ABCB7: variants seen among roughly 807,000 people sequenced by gnomAD.
The protein encoded by ABCB7 is ATP binding cassette subfamily B member 7.
In ABCB7, 7 loss-of-function variants were observed where a neutral mutation model predicts 54.4. The ratio of observed to expected loss-of-function variants is 0.13; its 90% CI spans 0.07 to 0.24. The LOEUF (loss-of-function observed/expected upper bound fraction) is 0.24, where lower values mean the gene tolerates loss of function less well. Among genes scored for constraint, ABCB7 ranks in the 10% least tolerant of loss-of-function variants. The probability of loss-of-function intolerance (pLI) is 1.00; values close to 1 mark genes in which losing one functional copy is unlikely to be tolerated. For missense variants in ABCB7, 356 were observed against 570.4 expected (o/e 0.62, Z 3.83); for synonymous variants, 218 against 207.1 (o/e 1.05, Z -0.45).
chrX:75,091,048 G>A (rs2081540210), intron 4 of ABCB7, among the ~76,000 whole-genome samples: 3 of 111,358 alleles, frequency 2.7e-5, no homozygotes, highest in Admixed American at 9.5e-5. Flanking sequence ...AAGAAGAAAT[G>A]ATGTGAATTC....
intron 1 of ABCB7, among the ~76,000 whole-genome samples, chrX:75,124,371 T>A (rs899902751): frequency 8.9e-5 from 10 of 112,191 alleles, no homozygotes; most frequent in African/African-American, 2.9e-4. Flanking sequence ...AAAGTTTTTT[T>A]ATGTTTGTTT....
At chrX:75,117,647 A>G (rs1437458358) in intron 1 of ABCB7, among the ~76,000 whole-genome samples, 1 of 111,345 alleles carries the variant, frequency 9.0e-6, no homozygotes, top group East Asian at 2.8e-4. Flanking sequence ...TATTTGGATT[A>G]ATCTGTCTTG....
chrX:75,073,829 A>G (rs908376964), intron 7 of ABCB7, 39 bp downstream of exon 7: 1 of 1,191,044 alleles, frequency 8.4e-7, no homozygotes, highest in African/African-American at 1.8e-5. Flanking sequence ...AAAGCAAAAC[A>G]ATTTCTAAAT....
At chrX:75,138,572 C>G (rs993419423) in intron 1 of ABCB7, among the ~76,000 whole-genome samples, 1 of 112,149 alleles carries the variant, frequency 8.9e-6, no homozygotes, top group African/African-American at 3.2e-5. Flanking sequence ...ACTTGACATA[C>G]AGAATAGCTT....
At chrX:75,129,092 C>T (rs1011859578) in intron 1 of ABCB7, among the ~76,000 whole-genome samples, 3 of 111,828 alleles carry the variant, frequency 2.7e-5, no homozygotes, top group African/African-American at 9.8e-5. Context: ...AATCCCATTA[C>T]TGAGTATATA....
At chrX:75,091,220 A>T (rs1311386673) in intron 4 of ABCB7, among the ~76,000 whole-genome samples, 1 of 111,208 alleles carries the variant, frequency 9.0e-6, no homozygotes, top group Admixed American at 9.6e-5. Flanking sequence ...TTACCAAATC[A>T]TACCCAACAA....
At chrX:75,103,328 C>T (rs2081655227) in intron 3 of ABCB7, among the ~76,000 whole-genome samples, 1 of 111,278 alleles carries the variant, frequency 9.0e-6, no homozygotes, top group East Asian at 2.8e-4. Context: ...TTTCATTCTT[C>T]TATATACGGA....
intron 3 of ABCB7, 134 bp from the exon 4 acceptor site, chrX:75,099,195 G>A: frequency 1.4e-6 from 1 of 709,803 alleles, no homozygotes; most frequent in Non-Finnish European, 2.0e-6. Flanking sequence ...TGAATCTAAG[G>A]CTAATATCTT....
At chrX:75,087,645 T>C (rs1481792253) in intron 4 of ABCB7, among the ~76,000 whole-genome samples, 1 of 111,704 alleles carries the variant, frequency 9.0e-6, no homozygotes, top group Non-Finnish European at 1.9e-5. Flanking sequence ...GACTAATCTA[T>C]ATGAATAACA....
chrX:75,066,382 C>T (rs771255541), intron 12 of ABCB7, among the ~76,000 whole-genome samples: 2 of 111,347 alleles, frequency 1.8e-5, no homozygotes, highest in South Asian at 7.5e-4. Flanking sequence ...AATACTTAAA[C>T]TCAATAAGCT....
intron 2 of ABCB7, among the ~76,000 whole-genome samples, 153 bp downstream of exon 2, chrX:75,114,601 T>C (rs2081791628): frequency 8.9e-6 from 1 of 112,393 alleles, no homozygotes; most frequent in Non-Finnish European, 1.9e-5. Flanking sequence ...CTCTCTGCAT[T>C]TCCAGAAGCA....
intron 4 of ABCB7, among the ~76,000 whole-genome samples, chrX:75,080,462 G>A (rs1374114094): frequency 2.7e-5 from 3 of 110,821 alleles, no homozygotes; most frequent in African/African-American, 9.9e-5. Flanking sequence ...ACGCCACCAG[G>A]CCCAGCTAAT....
chrX:75,144,112 A>G (rs758313464), intron 1 of ABCB7, among the ~76,000 whole-genome samples: 9 of 111,206 alleles, frequency 8.1e-5, no homozygotes, highest in Non-Finnish European at 1.5e-4. Flanking sequence ...CTTCTCTCCT[A>G]TATTACTTCA....
chrX:75,065,657 A>G (rs892797444), intron 12 of ABCB7, among the ~76,000 whole-genome samples: 1 of 112,019 alleles, frequency 8.9e-6, no homozygotes, highest in African/African-American at 3.2e-5. Context: ...TCTCCTACTG[A>G]TGGACATTAA....
At chrX:75,099,337 G>T (rs185486041) in intron 3 of ABCB7, among the ~76,000 whole-genome samples, 2 of 111,363 alleles carry the variant, frequency 1.8e-5, no homozygotes, top group African/African-American at 6.5e-5. Flanking sequence ...GTCATGAAGG[G>T]ACATGTACTA....
chrX:75,085,173 A>G (rs753824731), intron 4 of ABCB7, among the ~76,000 whole-genome samples: 1 of 112,436 alleles, frequency 8.9e-6, no homozygotes, highest in Admixed American at 9.4e-5. Context: ...GTTATAATCT[A>G]TAATCACTAA....
intron 12 of ABCB7, among the ~76,000 whole-genome samples, chrX:75,067,690 G>A (rs755484883): frequency 9.1e-6 from 1 of 110,373 alleles, no homozygotes; most frequent in Non-Finnish European, 1.9e-5. Context: ...TCATCATGCT[G>A]GCCAGGCTGG....
intron 15 of ABCB7, among the ~76,000 whole-genome samples, chrX:75,054,363 TATGGAATACGGAG>T (rs2081218907): frequency 8.9e-6 from 1 of 111,920 alleles, no homozygotes; most frequent in Admixed American, 9.5e-5. Context: ...AACTTCCTAC[TATGGAATACGGAG>T]ATTCAACACT....
At chrX:75,104,047 GTTT>G (rs757074347) in intron 3 of ABCB7, among the ~76,000 whole-genome samples, 6 of 13,440 alleles carry the variant, frequency 4.5e-4, no homozygotes, top group East Asian at 7.2e-3. Flanking sequence ...TCTTGTTACA[GTTT>G]TTTTTTTTTT....
Sources: allele counts gnomAD v4.1 joint callset (sites outside exome capture counted in the v4.1 genomes callset), GRCh38; gene constraint gnomAD v4.1.1; transcripts MANE v1.5; gene names NCBI Gene and HGNC (gene_info 2026-07-23, HGNC 2026-07-21).